The following MAGI2 variants were observed in gnomAD, a reference collection of about 807,000 sequenced individuals.
MAGI2 encodes membrane-associated guanylate kinase, WW and PDZ domain-containing protein 2.
In MAGI2, 35 loss-of-function variants were observed where a neutral mutation model predicts 133.3. The observed-to-expected ratio is 0.26, with a 90% CI of 0.20 to 0.35. The LOEUF is 0.35. Among genes scored for constraint, MAGI2 ranks in the 10% least tolerant of loss-of-function variants. The pLI is 1.00. For synonymous variants in MAGI2, 729 were observed against 710.6 expected (o/e 1.03, Z -0.41); for missense variants, 1,636 against 1,863.4 (o/e 0.88, Z 2.25).
chr7:78,752,224 T>C lies in MAGI2; in HGVS notation c.419-124985A>G, dbSNP rs889212752. 3.3e-5 allele frequency among the ~76,000 whole-genome samples: 5 copies of C among 152,206 alleles called. No homozygotes were observed. In the East Asian group the frequency reaches 7.7e-4, roughly 23 times the overall value. Reference sequence around the variant, plus strand: ...TTATATCAGCAGCAGAGGGGAAGTTTAGTCATTCTTGTGGATTGGATAATG... The same window carrying C: ...TTATATCAGCAGCAGAGGGGAAGTTCAGTCATTCTTGTGGATTGGATAATG... On this transcript the variant is annotated intron_variant, in intron 2 of 21. Coordinates refer to ENST00000354212, the MANE Select transcript of MAGI2 (RefSeq NM_012301.4).
rs545714701 is a variant in MAGI2, at chr7:78,896,020, A to G, written c.418+111070T>C. ...CTTATGTTTTAAACTTAAAAAAAGA[A>G]TGATTCTTTTTTCAAATCAGATTGT... On this transcript the variant is annotated intron_variant, in intron 2 of 21. Transcript: ENST00000354212. Among the ~76,000 whole-genome samples the G allele has an allele frequency of 9.2e-5, 14 of 152,334 alleles. No individual in the cohort carries two copies. In the South Asian group the frequency reaches 2.9e-3, roughly 32 times the overall value.
At chr7:78,368,606 C>T (rs532952521) in intron 7 of MAGI2, among the ~76,000 whole-genome samples, 20 of 151,726 alleles carry the variant, frequency 1.3e-4, no homozygotes, top group Admixed American at 1.1e-3. Flanking sequence ...GTATTTGTTC[C>T]GAATAAAAGG....
At chr7:78,515,562 A>C (rs1795962462) in intron 4 of MAGI2, among the ~76,000 whole-genome samples, 1 of 152,220 alleles carries the variant, frequency 6.6e-6, no homozygotes, top group Non-Finnish European at 1.5e-5. Flanking sequence ...TGAAATATTT[A>C]AAGGTATATG....
chr7:78,536,130 T>TTTTTTTTTTTG (rs1797886932), intron 3 of MAGI2, among the ~76,000 whole-genome samples: 1 of 125,948 alleles, frequency 7.9e-6, no homozygotes, highest in Non-Finnish European at 1.7e-5. Context: ...TTTTTTTTTT[T>TTTTTTTTTTTG]GAGACGGAGT....
intron 2 of MAGI2, among the ~76,000 whole-genome samples, chr7:78,678,165 C>T (rs1496773): frequency 0.049 from 7,529 of 152,104 alleles, 282 homozygotes; most frequent in East Asian, 0.14. Context: ...AAACTAATTT[C>T]GAAATCCAAA....
At chr7:78,532,326 C>A (rs757285086) in intron 3 of MAGI2, among the ~76,000 whole-genome samples, 1 of 152,184 alleles carries the variant, frequency 6.6e-6, no homozygotes, top group African/African-American at 2.4e-5. Context: ...ACTTGAGAAC[C>A]TGGATGCATT....
chr7:79,258,233 C>T lies in MAGI2; in HGVS notation c.301+194787G>A, dbSNP rs111671275. On this transcript the variant is annotated intron_variant, in intron 1 of 21. Transcript: ENST00000354212. ...AGAGGCAGTGCTTGATTAATTATCACAATGTAATAGAGACACTTGCAAAGT... is the reference window on the plus strand; with the variant it reads ...AGAGGCAGTGCTTGATTAATTATCATAATGTAATAGAGACACTTGCAAAGT... 1.1e-3 allele frequency among the ~76,000 whole-genome samples: 161 copies of T among 152,268 alleles called. 1 individual carries two copies. Among genetic ancestry groups the T allele is most frequent in the African/African-American group, 3.6e-3 (149 of 41,550 alleles).
intron 2 of MAGI2, among the ~76,000 whole-genome samples, chr7:78,942,895 A>G (rs865900822): frequency 0.011 from 1,654 of 146,212 alleles, 24 homozygotes; most frequent in African/African-American, 0.034. Context: ...AGTAAGTGAA[A>G]AAAAAAAAAA....
chr7:79,323,130 C>G (rs1253297177), intron 1 of MAGI2, among the ~76,000 whole-genome samples: 1 of 152,016 alleles, frequency 6.6e-6, no homozygotes, highest in Non-Finnish European at 1.5e-5. Context: ...GTGCCTGGCC[C>G]CAGTTAGCTT....
At chr7:78,818,025 T>C (rs1253183751) in intron 2 of MAGI2, among the ~76,000 whole-genome samples, 1 of 152,220 alleles carries the variant, frequency 6.6e-6, no homozygotes, top group Non-Finnish European at 1.5e-5. Flanking sequence ...TGAACTCATA[T>C]TATCTCTGAG....
Position 78,637,906 on chromosome 7 carries a change from C to T in MAGI2, c.419-10667G>A, listed in dbSNP as rs117490907. Among the ~76,000 whole-genome samples, 1,156 of 152,080 alleles carry T rather than the reference C, an allele frequency of 7.6e-3. 5 individuals carry two copies. Among genetic ancestry groups the T allele is most frequent in the Admixed American group, 0.013 (203 of 15,266 alleles). On this transcript the variant is annotated intron_variant, in intron 2 of 21. Transcript: ENST00000354212. ...CAGCCTGGGCTACATACAGAGATCT[C>T]ATTTCTACAAAAAATTTAAAAATTA...
At chr7:79,032,038 T>A (rs779655785) in intron 1 of MAGI2, among the ~76,000 whole-genome samples, 3 of 152,192 alleles carry the variant, frequency 2.0e-5, no homozygotes, top group African/African-American at 4.8e-5. Flanking sequence ...ACTTAATATA[T>A]AATTTTAGCC....
chr7:78,549,621 T>G (rs1340928075), intron 3 of MAGI2, among the ~76,000 whole-genome samples: 1 of 152,150 alleles, frequency 6.6e-6, no homozygotes, highest in African/African-American at 2.4e-5. Flanking sequence ...TTTCTTTGAC[T>G]ATAGGTGTGT....
intron 2 of MAGI2, among the ~76,000 whole-genome samples, chr7:78,627,558 CT>C (rs1808502521): frequency 6.6e-6 from 1 of 152,188 alleles, no homozygotes; most frequent in Non-Finnish European, 1.5e-5. Flanking sequence ...AGCCAGCAGT[CT>C]GCTAGTTCAG....
rs879528443 is a variant in MAGI2, at chr7:78,812,582, A to ATGTGTGTG, written c.419-185344_419-185343insCACACACA. ...TACAGTTATCTACCTACATATATGT[A>ATGTGTGTG]TGTATGTGTGTGTGTGTGTGTGTGT... On this transcript the variant is annotated intron_variant, in intron 2 of 21. Coordinates refer to ENST00000354212, the MANE Select transcript of MAGI2 (RefSeq NM_012301.4). Among the ~76,000 whole-genome samples the ATGTGTGTG allele has an allele frequency of 4.8e-5, 4 of 82,492 alleles. No homozygotes were observed. In the Admixed American group the frequency reaches 5.7e-4, roughly 12 times the overall value. 54.1% of individuals were successfully genotyped at this position (82,492 alleles called of 152,430 possible).
intron 3 of MAGI2, among the ~76,000 whole-genome samples, chr7:78,559,033 T>C (rs1189484680): frequency 6.7e-6 from 1 of 149,496 alleles, no homozygotes; most frequent in Non-Finnish European, 1.5e-5. Flanking sequence ...TGTTCTCTGG[T>C]AATAGAGGAA....
chr7:78,687,969 TAAAAAAAAAAAAAAAAAAAAAA>T (rs72030909), intron 2 of MAGI2, among the ~76,000 whole-genome samples: 2 of 67,226 alleles, frequency 3.0e-5, no homozygotes, highest in Non-Finnish European at 5.5e-5. Context: ...GTCCTTGCCT[TAAAAAAAAAAAAAAAAAAAAAA>T]AAAAAAAAAA....
At chr7:78,259,908 A>T (rs548735468) in intron 9 of MAGI2, among the ~76,000 whole-genome samples, 2 of 152,208 alleles carry the variant, frequency 1.3e-5, no homozygotes, top group East Asian at 3.9e-4. Flanking sequence ...TTAGAAACAG[A>T]GTGAGAACTA....
chr7:78,697,132 A>G lies in MAGI2; in HGVS notation c.419-69893T>C, dbSNP rs190247121. Among the ~76,000 whole-genome samples, 258 of 152,144 alleles carry G rather than the reference A, an allele frequency of 1.7e-3. 2 individuals carry two copies. The Middle Eastern group carries it at 0.031, about 18-fold the overall frequency. On this transcript the variant is annotated intron_variant, in intron 2 of 21. Coordinates refer to ENST00000354212, the MANE Select transcript of MAGI2 (RefSeq NM_012301.4). ...CTATCTTTTTCCTTTTCATCTCTCT[A>G]ACATTTTTGATATTTAGTGTTTAAT...
Sources: gnomAD v4.1 joint callset for allele counts (sites outside exome capture counted in the v4.1 genomes callset) on GRCh38, gnomAD v4.1.1 for gene constraint, MANE v1.5 for transcripts, NCBI Gene and HGNC (gene_info 2026-07-23, HGNC 2026-07-21) for gene names.